The following FHOD3 variants were observed in gnomAD, a reference collection of about 807,000 sequenced individuals.
FHOD3 encodes the protein FH1/FH2 domain-containing protein 3.
A neutral mutation model predicts 173.0 loss-of-function variants in FHOD3; 90 were observed. The ratio of observed to expected loss-of-function variants is 0.52; its 90% CI spans 0.44 to 0.62. The LOEUF (loss-of-function observed/expected upper bound fraction) is 0.62, where lower values mean the gene tolerates loss of function less well. Ranked by LOEUF, FHOD3 falls within the 20% of genes least tolerant of loss-of-function variation. FHOD3 has a pLI of 0.00. For missense variants in FHOD3, 1,945 were observed against 2,034.7 expected (o/e 0.96, Z 0.85); for synonymous variants, 828 against 823.0 (o/e 1.01, Z -0.10).
intron 22 of FHOD3, among the ~76,000 whole-genome samples, chr18:36,743,233 C>T (rs1431671043): frequency 5.5e-5 from 8 of 146,198 alleles, no homozygotes; most frequent in East Asian, 4.0e-4. Context: ...CGCTTGAACC[C>T]GGGAAGCAGA....
At chr18:36,379,804 C>A (rs1007448857) in intron 3 of FHOD3, among the ~76,000 whole-genome samples, 1 of 152,208 alleles carries the variant, frequency 6.6e-6, no homozygotes, top group East Asian at 1.9e-4. Flanking sequence ...GTGACCAGCT[C>A]TGAGTGCCTT....
At chr18:36,393,904 C>T (rs1014323385) in intron 3 of FHOD3, among the ~76,000 whole-genome samples, 3 of 152,064 alleles carry the variant, frequency 2.0e-5, no homozygotes, top group African/African-American at 7.3e-5. Flanking sequence ...TCCACAAGCC[C>T]GGGGACTACA....
At chr18:36,599,509 A>G (rs2031031751) in intron 7 of FHOD3, among the ~76,000 whole-genome samples, 1 of 152,210 alleles carries the variant, frequency 6.6e-6, no homozygotes, top group Non-Finnish European at 1.5e-5. Flanking sequence ...ACTGTTATTT[A>G]TAGCAGAAGC....
Position 36,312,106 on chromosome 18 carries a change from G to C in FHOD3, c.165+14106G>C, listed in dbSNP as rs146483368. On this transcript the variant is annotated intron_variant, in intron 1 of 28. Transcript: ENST00000590592. ...ACTGCAATAAAACTACTCTTGCTAA[G>C]GTACTTGTCTTTAAATCTAGTAGAC... Among the ~76,000 whole-genome samples, 837 of 152,216 alleles carry C rather than the reference G, an allele frequency of 5.5e-3. 10 individuals are homozygous for C. The highest frequency in any genetic ancestry group is 0.019 in the African/African-American group (809 of 41,534).
At chr18:36,418,635 A>G (rs1420173488) in intron 3 of FHOD3, among the ~76,000 whole-genome samples, 1 of 152,086 alleles carries the variant, frequency 6.6e-6, no homozygotes, top group African/African-American at 2.4e-5. Context: ...TGTTCTTGCC[A>G]GTTGTGGTGG....
At chr18:36,777,198 C>CTTTT (rs11294880) in intron 28 of FHOD3, among the ~76,000 whole-genome samples, 30 of 108,828 alleles carry the variant, frequency 2.8e-4, no homozygotes, top group Admixed American at 6.2e-4. Context: ...TCTTCTTTTT[C>CTTTT]TTTTTTTTTT....
intron 3 of FHOD3, among the ~76,000 whole-genome samples, chr18:36,494,666 T>C (rs938272): frequency 0.7 from 106,340 of 152,008 alleles, 38,216 homozygotes; most frequent in East Asian, 0.95. Context: ...GCAGTACTTC[T>C]CCAGGACCTT....
At chr18:36,403,494 T>C (rs2048920103) in intron 3 of FHOD3, among the ~76,000 whole-genome samples, 1 of 152,196 alleles carries the variant, frequency 6.6e-6, no homozygotes, top group Non-Finnish European at 1.5e-5. Flanking sequence ...CGGGGTTACT[T>C]GACCCATACA....
At chr18:36,316,449 CTG>C (rs1393465634) in intron 1 of FHOD3, among the ~76,000 whole-genome samples, 1 of 152,230 alleles carries the variant, frequency 6.6e-6, no homozygotes, top group Non-Finnish European at 1.5e-5. Flanking sequence ...GCATGAGTCA[CTG>C]GGGTTTAAAA....
At chr18:36,701,380 T>C (rs2039580222) in intron 17 of FHOD3, among the ~76,000 whole-genome samples, 1 of 152,214 alleles carries the variant, frequency 6.6e-6, no homozygotes, top group South Asian at 2.1e-4. Context: ...TCACCCTATA[T>C]GTTATCAATA....
At chr18:36,684,400 A>C (rs2038462233) in intron 15 of FHOD3, among the ~76,000 whole-genome samples, 1 of 152,190 alleles carries the variant, frequency 6.6e-6, no homozygotes, top group Admixed American at 6.5e-5. Context: ...AAGGACATAG[A>C]TATTATACAT....
At chr18:36,537,703 C>A (rs1464970830) in intron 5 of FHOD3, among the ~76,000 whole-genome samples, 2 of 152,106 alleles carry the variant, frequency 1.3e-5, no homozygotes, top group East Asian at 3.8e-4. Flanking sequence ...ATACATGAAG[C>A]AAAAACTGAT....
chr18:36,524,235 CTG>C (rs1413477212), intron 5 of FHOD3, among the ~76,000 whole-genome samples: 1 of 149,656 alleles, frequency 6.7e-6, no homozygotes, highest in East Asian at 2.0e-4. Context: ...TGAACCGAGA[CTG>C]TGCCACTGCA....
intron 3 of FHOD3, among the ~76,000 whole-genome samples, chr18:36,498,143 TTAA>T (rs1427928638): frequency 6.6e-6 from 1 of 152,126 alleles, no homozygotes; most frequent in Non-Finnish European, 1.5e-5. Context: ...GAATTCAATA[TTAA>T]TAAAATTTTC....
At chr18:36,489,630 C>T (rs1028445306) in intron 3 of FHOD3, among the ~76,000 whole-genome samples, 5 of 152,128 alleles carry the variant, frequency 3.3e-5, no homozygotes, top group African/African-American at 1.2e-4. Context: ...CATGTTCATA[C>T]TCCCACACTC....
intron 3 of FHOD3, among the ~76,000 whole-genome samples, chr18:36,440,251 C>G (rs184011073): frequency 7.9e-4 from 121 of 152,326 alleles, no homozygotes; most frequent in Non-Finnish European, 1.3e-3. Flanking sequence ...CACTCAAGCT[C>G]GGGCAGCCAT....
chr18:36,395,892 C>T (rs1278357097), intron 3 of FHOD3, among the ~76,000 whole-genome samples: 1 of 152,074 alleles, frequency 6.6e-6, no homozygotes, highest in Non-Finnish European at 1.5e-5. Flanking sequence ...AGATATTACC[C>T]ACATAAACAC....
chr18:36,353,741 A>G (rs959912664), intron 1 of FHOD3, among the ~76,000 whole-genome samples: 1 of 152,214 alleles, frequency 6.6e-6, no homozygotes, highest in African/African-American at 2.4e-5. Context: ...TATATGTAAT[A>G]TAATGCTAAC....
At chr18:36,456,550 G>T (rs2052226549) in intron 3 of FHOD3, among the ~76,000 whole-genome samples, 1 of 152,112 alleles carries the variant, frequency 6.6e-6, no homozygotes, top group Admixed American at 6.5e-5. Flanking sequence ...TGGGGCTGTA[G>T]AAATCATCTA....
Sources: gnomAD v4.1 joint callset for allele counts (sites outside exome capture counted in the v4.1 genomes callset) on GRCh38, gnomAD v4.1.1 for gene constraint, MANE v1.5 for transcripts, NCBI Gene and HGNC (gene_info 2026-07-23, HGNC 2026-07-21) for gene names.